The following NHEJ1 variants were observed in gnomAD, a reference collection of about 807,000 sequenced individuals.
The protein encoded by NHEJ1 is non-homologous end-joining factor 1.
NHEJ1 carries 22 observed loss-of-function variants against 39.4 expected under a neutral mutation model. The observed-to-expected ratio is 0.56, with a 90% CI of 0.40 to 0.80. The LOEUF is 0.80. Ranked by LOEUF, NHEJ1 falls within the 30% of genes least tolerant of loss-of-function variation. The pLI, the probability that NHEJ1 is intolerant of heterozygous loss-of-function variation, is 0.00. For synonymous variants in NHEJ1, 154 were observed against 135.6 expected (o/e 1.14, Z -0.94); for missense variants, 329 against 357.1 (o/e 0.92, Z 0.63).
chr2:219,153,916 G>A (rs1330333909), intron 3 of NHEJ1, among the ~76,000 whole-genome samples: 1 of 152,158 alleles, frequency 6.6e-6, no homozygotes, highest in African/African-American at 2.4e-5. Context: ...TATGTTATGT[G>A]GCAAGATTAA....
At chr2:219,141,026 C>G (rs1032862871) in intron 5 of NHEJ1, among the ~76,000 whole-genome samples, 3 of 152,110 alleles carry the variant, frequency 2.0e-5, no homozygotes, top group Admixed American at 1.3e-4. Flanking sequence ...AATTCAACTG[C>G]AGGGGAATAA....
intron 5 of NHEJ1, 53 bp downstream of exon 5, chr2:219,146,627 C>T: frequency 7.0e-7 from 1 of 1,432,204 alleles, no homozygotes; most frequent in East Asian, 2.3e-5. Flanking sequence ...CACTCAGGCA[C>T]CTGGAAAGAG....
chr2:219,104,714 C>T lies in NHEJ1; in HGVS notation c.589-26508G>A, dbSNP rs556441729. On this transcript the variant is annotated intron_variant, in intron 5 of 7. Coordinates refer to ENST00000356853, the MANE Select transcript of NHEJ1 (RefSeq NM_024782.3). ...CTTCCAAAAGGCACCCCCCCACACA[C>T]ACAAAAAAGAAGAAACCACTAGAAA... Among the ~76,000 whole-genome samples, 1,296 of 151,894 alleles carry T rather than the reference C, an allele frequency of 8.5e-3. 11 individuals are homozygous for T. The highest frequency in any genetic ancestry group is 0.014 in the Middle Eastern group (4 of 294).
intron 5 of NHEJ1, among the ~76,000 whole-genome samples, chr2:219,127,776 TTCC>T (rs1170033243): frequency 6.6e-6 from 1 of 152,248 alleles, no homozygotes; most frequent in Non-Finnish European, 1.5e-5. Flanking sequence ...CTTTTCTTTC[TTCC>T]TTATCTCCTC....
intron 4 of NHEJ1, 147 bp from the exon 5 acceptor site, chr2:219,146,885 C>T: frequency 1.5e-6 from 1 of 684,700 alleles, no homozygotes; most frequent in South Asian, 1.6e-5. Flanking sequence ...AGAAGAAGGG[C>T]TGAGAGCATG....
At chr2:219,128,649 G>A (rs1003997583) in intron 5 of NHEJ1, among the ~76,000 whole-genome samples, 1 of 152,082 alleles carries the variant, frequency 6.6e-6, no homozygotes, top group Non-Finnish European at 1.5e-5. Context: ...CCTTTGTTTT[G>A]GGAAAACAAG....
rs990648640 is a variant in NHEJ1, at chr2:219,139,716, G to A, written c.588+6964C>T. ...TTCTGAGACAGAGTCTCGCTCTTTC[G>A]CCCAGACTGGAGTGCAGTGGCACGA... On this transcript the variant is annotated intron_variant, in intron 5 of 7. Transcript: ENST00000356853. Among the ~76,000 whole-genome samples the A allele has an allele frequency of 7.2e-5, 11 of 152,044 alleles. No individual in the cohort carries two copies. The South Asian group carries it at 8.3e-4, about 11-fold the overall frequency.
intron 5 of NHEJ1, among the ~76,000 whole-genome samples, chr2:219,141,089 G>A (rs986484188): frequency 3.9e-5 from 6 of 152,056 alleles, no homozygotes; most frequent in Non-Finnish European, 8.8e-5. Flanking sequence ...GCCAAAAAAG[G>A]GACAGAAAGG....
Position 219,072,983 on chromosome 2 carries a change from AAGG to A in NHEJ1, c.*3395_*3397del, listed in dbSNP as rs1161768612. ...GCTTATCTCCCAACAAACGTGGGCT[AAGG>A]AGGAGGTAAGGGCTTGGGAAAATGG... On this transcript the variant is annotated 3_prime_UTR_variant, in exon 8 of 8. Coordinates refer to ENST00000356853, the MANE Select transcript of NHEJ1 (RefSeq NM_024782.3). 6.6e-6 allele frequency among the ~76,000 whole-genome samples: 1 copy of A among 152,162 alleles called. No homozygotes were observed. Among genetic ancestry groups the A allele is most frequent in the African/African-American group, 2.4e-5 (1 of 41,430 alleles).
intron 5 of NHEJ1, among the ~76,000 whole-genome samples, chr2:219,089,369 A>C (rs535857336): frequency 6.6e-6 from 1 of 152,360 alleles, no homozygotes; most frequent in East Asian, 1.9e-4. Flanking sequence ...GATAAACAAA[A>C]TGTGGTATAT....
At chr2:219,123,119 C>A (rs115977817) in intron 5 of NHEJ1, among the ~76,000 whole-genome samples, 1 of 152,128 alleles carries the variant, frequency 6.6e-6, no homozygotes, top group African/African-American at 2.4e-5. Flanking sequence ...CAGAAAAACA[C>A]TGGTAGGGAT....
intron 5 of NHEJ1, among the ~76,000 whole-genome samples, chr2:219,130,707 T>C (rs1421438859): frequency 1.3e-5 from 2 of 152,048 alleles, no homozygotes; most frequent in African/African-American, 4.8e-5. Flanking sequence ...ATGAAATGGG[T>C]TGTATGGTTG....
At chr2:219,096,864 T>C (rs1386674119) in intron 5 of NHEJ1, among the ~76,000 whole-genome samples, 1 of 152,152 alleles carries the variant, frequency 6.6e-6, no homozygotes, top group Non-Finnish European at 1.5e-5. Context: ...TGAGCCACTG[T>C]GACAACTGTT....
Position 219,103,533 on chromosome 2 carries a change from C to T in NHEJ1, c.589-25327G>A, listed in dbSNP as rs190073785. ...TCAAGTGATCCGTCCGCCTCGGCCTCCCAAAGTGCTGGGATTACAGGCGTG... is the reference window on the plus strand; with the variant it reads ...TCAAGTGATCCGTCCGCCTCGGCCTTCCAAAGTGCTGGGATTACAGGCGTG... On this transcript the variant is annotated intron_variant, in intron 5 of 7. Coordinates refer to ENST00000356853, the MANE Select transcript of NHEJ1 (RefSeq NM_024782.3). Among the ~76,000 whole-genome samples the T allele has an allele frequency of 2.5e-3, 381 of 152,314 alleles. 1 individual carries two copies. Among genetic ancestry groups the T allele is most frequent in the Non-Finnish European group, 4.1e-3 (281 of 68,024 alleles).
In NHEJ1 at chr2:219,073,775, G is replaced by A. The variant is rs529487671; in HGVS notation, c.*2606C>T. Among the ~76,000 whole-genome samples the A allele has an allele frequency of 1.4e-4, 21 of 152,356 alleles. No homozygotes were observed. The highest frequency in any genetic ancestry group is 4.6e-4 in the African/African-American group (19 of 41,568). On this transcript the variant is annotated 3_prime_UTR_variant, in exon 8 of 8. Coordinates refer to ENST00000356853, the MANE Select transcript of NHEJ1 (RefSeq NM_024782.3). ...CCCCAGCCCCAGCCCCGGGGAGCGG[G>A]CGGGTAGGCGGGGAGGTGGGCCACT... is the stretch of plus-strand genomic sequence containing the variant.
At chr2:219,128,107 T>C (rs1374096184) in intron 5 of NHEJ1, among the ~76,000 whole-genome samples, 3 of 152,226 alleles carry the variant, frequency 2.0e-5, no homozygotes, top group Non-Finnish European at 4.4e-5. Context: ...TCTAGAACAA[T>C]GCTATTCAAA....
chr2:219,096,826 T>G (rs1007311047), intron 5 of NHEJ1, among the ~76,000 whole-genome samples: 1 of 152,128 alleles, frequency 6.6e-6, no homozygotes, highest in Non-Finnish European at 1.5e-5. Flanking sequence ...TCAGAAAGAT[T>G]ATAGGGATCA....
At chr2:219,078,349 C>G (rs1949033701) in intron 5 of NHEJ1, 143 bp from the exon 6 acceptor site, 2 of 728,770 alleles carry the variant, frequency 2.7e-6, no homozygotes, top group Non-Finnish European at 2.4e-6. Flanking sequence ...ATATCCAAGC[C>G]TGGTGGCAAC....
intron 5 of NHEJ1, among the ~76,000 whole-genome samples, chr2:219,112,006 T>G (rs1226721954): frequency 6.6e-6 from 1 of 152,106 alleles, no homozygotes; most frequent in Non-Finnish European, 1.5e-5. Context: ...AAGGGGAATT[T>G]CTAGGAAAGC....
Sources: gnomAD v4.1 joint callset for allele counts (sites outside exome capture counted in the v4.1 genomes callset) on GRCh38, gnomAD v4.1.1 for gene constraint, MANE v1.5 for transcripts, NCBI Gene and HGNC (gene_info 2026-07-23, HGNC 2026-07-21) for gene names.